LRMDA: variants seen among roughly 807,000 people sequenced by gnomAD.
The protein encoded by LRMDA is leucine rich melanocyte differentiation associated.
In LRMDA, 18 loss-of-function variants were observed where a neutral mutation model predicts 29.8. The ratio of observed to expected loss-of-function variants is 0.60; its 90% CI spans 0.42 to 0.90. LRMDA has a LOEUF of 0.90. Ranked by LOEUF, LRMDA falls within the 40% of genes least tolerant of loss-of-function variation. The probability of loss-of-function intolerance (pLI) is 0.00; values close to 1 mark genes in which losing one functional copy is unlikely to be tolerated. For missense variants in LRMDA, 273 were observed against 273.9 expected, an observed-to-expected ratio of 1.00 and a Z score of 0.02; for synonymous variants, 125 against 109.4, an observed-to-expected ratio of 1.14 and a Z score of -0.89.
At chr10:76,173,373 GA>G (rs1280908102) in intron 5 of LRMDA, among the ~76,000 whole-genome samples, 10 of 152,104 alleles carry the variant, frequency 6.6e-5, no homozygotes, top group African/African-American at 2.2e-4. Context: ...ACAGAAAAGA[GA>G]AAAGCAAAAG....
intron 6 of LRMDA, among the ~76,000 whole-genome samples, chr10:76,466,900 GAA>G (rs1396846780): frequency 6.6e-6 from 1 of 152,192 alleles, no homozygotes; most frequent in Non-Finnish European, 1.5e-5. Flanking sequence ...CAGCACATAC[GAA>G]AAAGTCTCCA....
At chr10:75,850,671 G>A (rs190934123) in intron 2 of LRMDA, among the ~76,000 whole-genome samples, 1 of 152,144 alleles carries the variant, frequency 6.6e-6, no homozygotes, top group African/African-American at 2.4e-5. Flanking sequence ...GGGTTTGGGG[G>A]TTAGAAGCTA....
chr10:75,684,035 G>T (rs2132154930), intron 2 of LRMDA, among the ~76,000 whole-genome samples: 1 of 152,346 alleles, frequency 6.6e-6, no homozygotes, highest in Non-Finnish European at 1.5e-5. Context: ...GATCTTTGGA[G>T]ATTAGCTCTG....
intron 6 of LRMDA, among the ~76,000 whole-genome samples, chr10:76,538,350 G>A (rs973715993): frequency 2.0e-5 from 3 of 149,272 alleles, no homozygotes; most frequent in African/African-American, 7.4e-5. Context: ...GTGTATATGG[G>A]TTTTTTTTTA....
At chr10:76,348,679 T>C (rs76622915) in intron 6 of LRMDA, among the ~76,000 whole-genome samples, 442 of 152,328 alleles carry the variant, frequency 2.9e-3, no homozygotes, top group Non-Finnish European at 5.0e-3. Flanking sequence ...CAATGGTTTC[T>C]GAGAAAGATT....
Position 76,090,196 on chromosome 10 carries a change from G to A in LRMDA, c.516+31413G>A, listed in dbSNP as rs537779365. ...CCCTCCGAGCAGTGAGGACCCAGGC[G>A]CCATTGCCTGGACTGCCTTTCTGGA... is the stretch of plus-strand genomic sequence containing the variant. On this transcript the variant is annotated intron_variant, in intron 5 of 6. Transcript: ENST00000611255. 4.6e-5 allele frequency among the ~76,000 whole-genome samples: 7 copies of A among 152,282 alleles called. No homozygotes were observed. In the South Asian group the frequency reaches 1.0e-3, roughly 23 times the overall value.
At chr10:75,537,692 C>T (rs1207847645) in intron 2 of LRMDA, among the ~76,000 whole-genome samples, 1 of 152,202 alleles carries the variant, frequency 6.6e-6, no homozygotes, top group African/African-American at 2.4e-5. Context: ...CCGGGGAGAG[C>T]ATTTGCATTC....
chr10:76,346,807 T>C (rs1026437033), intron 6 of LRMDA, among the ~76,000 whole-genome samples: 2 of 152,172 alleles, frequency 1.3e-5, no homozygotes, highest in African/African-American at 4.8e-5. Context: ...ATAAGTGTCC[T>C]CCATGAGACG....
At chr10:75,647,035 A>G (rs1841530575) in intron 2 of LRMDA, among the ~76,000 whole-genome samples, 1 of 151,124 alleles carries the variant, frequency 6.6e-6, no homozygotes, top group Non-Finnish European at 1.5e-5. Flanking sequence ...CAGAGAGCAA[A>G]CTTGGCCGGC....
chr10:75,952,194 C>T (rs1846587846), intron 2 of LRMDA, among the ~76,000 whole-genome samples: 1 of 152,150 alleles, frequency 6.6e-6, no homozygotes, highest in Admixed American at 6.5e-5. Flanking sequence ...CCGACCCCGC[C>T]GATTGCTCCT....
intron 6 of LRMDA, among the ~76,000 whole-genome samples, chr10:76,396,283 T>C (rs1173613801): frequency 1.3e-5 from 2 of 152,234 alleles, no homozygotes; most frequent in Non-Finnish European, 2.9e-5. Context: ...GGGGAAATGT[T>C]GGCATCCAAA....
At chr10:76,427,277 A>C (rs1011157172) in intron 6 of LRMDA, among the ~76,000 whole-genome samples, 16 of 151,862 alleles carry the variant, frequency 1.1e-4, no homozygotes, top group East Asian at 9.7e-4. Flanking sequence ...CTTTTATTTC[A>C]TTGAGCAGTG....
intron 6 of LRMDA, among the ~76,000 whole-genome samples, chr10:76,344,083 A>T (rs1841074078): frequency 1.3e-5 from 2 of 151,968 alleles, no homozygotes; most frequent in African/African-American, 2.4e-5. Flanking sequence ...CAGCCTCCCA[A>T]AGTGCTGGGA....
At chr10:76,246,463 C>T (rs988143091) in intron 5 of LRMDA, among the ~76,000 whole-genome samples, 1 of 152,174 alleles carries the variant, frequency 6.6e-6, no homozygotes, top group African/African-American at 2.4e-5. Flanking sequence ...TGAGAATTCT[C>T]TCTAAAATGG....
intron 2 of LRMDA, among the ~76,000 whole-genome samples, chr10:75,829,351 T>C (rs185435606): frequency 2.0e-4 from 31 of 152,322 alleles, no homozygotes; most frequent in Middle Eastern, 3.4e-3. Context: ...GGATCATGGC[T>C]GCACAGTTCT....
chr10:75,948,137 A>G (rs1399125089), intron 2 of LRMDA, among the ~76,000 whole-genome samples: 5 of 152,202 alleles, frequency 3.3e-5, no homozygotes, highest in Non-Finnish European at 7.3e-5. Flanking sequence ...CCAGCCCCAC[A>G]TTTAATGGTT....
At chr10:76,394,134 G>C (rs952562507) in intron 6 of LRMDA, among the ~76,000 whole-genome samples, 2 of 152,178 alleles carry the variant, frequency 1.3e-5, no homozygotes, top group Non-Finnish European at 2.9e-5. Flanking sequence ...AGAATGTGAT[G>C]CAACAACAAG....
intron 2 of LRMDA, among the ~76,000 whole-genome samples, chr10:76,017,177 C>T (rs539607952): frequency 8.5e-5 from 13 of 152,316 alleles, no homozygotes; most frequent in Admixed American, 4.6e-4. Flanking sequence ...GTGGGGCGGA[C>T]GCCGCATGAA....
intron 6 of LRMDA, among the ~76,000 whole-genome samples, chr10:76,406,493 C>T (rs1260941433): frequency 1.3e-5 from 2 of 152,182 alleles, no homozygotes; most frequent in Non-Finnish European, 2.9e-5. Context: ...CCCGTTGAGC[C>T]TCTATGTTCT....
Sources: gnomAD v4.1 joint callset for allele counts (sites outside exome capture counted in the v4.1 genomes callset) on GRCh38, gnomAD v4.1.1 for gene constraint, MANE v1.5 for transcripts, NCBI Gene and HGNC (gene_info 2026-07-23, HGNC 2026-07-21) for gene names.